The following KDM2B variants were observed in gnomAD, a reference collection of about 807,000 sequenced individuals.
KDM2B encodes the protein lysine demethylase 2B.
KDM2B carries 26 observed loss-of-function variants against 150.0 expected under a neutral mutation model. The ratio of observed to expected loss-of-function variants is 0.17; its 90% CI spans 0.13 to 0.24. The LOEUF (loss-of-function observed/expected upper bound fraction) is 0.24, where lower values mean the gene tolerates loss of function less well. Among genes scored for constraint, KDM2B ranks in the 10% least tolerant of loss-of-function variants. The pLI, the probability that KDM2B is intolerant of heterozygous loss-of-function variation, is 1.00. For synonymous variants in KDM2B, 734 were observed against 729.5 expected (o/e 1.01, Z -0.10); for missense variants, 1,265 against 1,816.9 (o/e 0.70, Z 5.52).
chr12:121,429,967 A>G lies in KDM2B; in HGVS notation c.*321T>C, dbSNP rs1555285036. The stretch of plus-strand genomic sequence containing the variant: ...TGTCCAAAACACCACTACCACTAAC[A>G]GAAACTCCTAAGCTCATGCTTCAGT... On this transcript the variant is annotated 3_prime_UTR_variant, in exon 23 of 23. Coordinates refer to ENST00000377071, the MANE Select transcript of KDM2B (RefSeq NM_032590.5). 4.1e-6 allele frequency: 3 copies of G among 732,024 alleles called. No homozygotes were observed. The highest frequency in any genetic ancestry group is 7.2e-6 in the Non-Finnish European group (3 of 418,276). 45.3% of individuals were successfully genotyped at this position (732,024 alleles called of 1,614,324 possible).
At chr12:121,573,344 A>G (rs545562341) in intron 4 of KDM2B, among the ~76,000 whole-genome samples, 1 of 149,226 alleles carries the variant, frequency 6.7e-6, no homozygotes, top group Non-Finnish European at 1.5e-5. Context: ...GTGCAGTGGC[A>G]TGATCTCAGC....
intron 13 of KDM2B, among the ~76,000 whole-genome samples, chr12:121,448,113 G>A (rs1051328546): frequency 3.3e-5 from 5 of 152,046 alleles, no homozygotes; most frequent in African/African-American, 1.2e-4. Context: ...GAGCCCAGGA[G>A]TTTGAGACTA....
At position 121,453,730 on chromosome 12, in the gene KDM2B, T is replaced by C. The variant is rs929626362; in HGVS notation, c.1735-386A>G. 6.6e-6 allele frequency among the ~76,000 whole-genome samples: 1 copy of C among 152,024 alleles called. No homozygotes were observed. On this transcript the variant is annotated intron_variant, in intron 12 of 22. Coordinates refer to ENST00000377071, the MANE Select transcript of KDM2B (RefSeq NM_032590.5). This position sits in a 1 kb window ranked among gnomAD's most constrained non-coding sequence, Gnocchi z 6.4. ...GGAGGCGCGGGGAAGGACCCTCCCC[T>C]AGAGCCCGCAGAGCCAGCCCGGCCC...
At chr12:121,497,670 A>G (rs1374266603) in intron 11 of KDM2B, among the ~76,000 whole-genome samples, 4 of 152,200 alleles carry the variant, frequency 2.6e-5, no homozygotes, top group African/African-American at 9.7e-5. Flanking sequence ...ATGCCTGAAC[A>G]GATCTCCTCA....
At chr12:121,563,896 C>CA (rs1182231250) in intron 4 of KDM2B, among the ~76,000 whole-genome samples, 20 of 146,568 alleles carry the variant, frequency 1.4e-4, no homozygotes, top group Admixed American at 3.4e-4. Context: ...GACTCTGTCT[C>CA]AAAAAAAAAA....
chr12:121,536,250 C>T (rs182403802), intron 6 of KDM2B: 24 of 198,182 alleles, frequency 1.2e-4, no homozygotes, highest in Admixed American at 2.0e-4. Flanking sequence ...GCGGCGTGCC[C>T]GCGTCCCTCC....
At chr12:121,540,209 G>A (rs1888494211) in intron 6 of KDM2B, among the ~76,000 whole-genome samples, 1 of 152,116 alleles carries the variant, frequency 6.6e-6, no homozygotes, top group African/African-American at 2.4e-5. Context: ...GGCTTTCTTT[G>A]TTCCTCTTTT....
chr12:121,497,469 T>A (rs1884096347), intron 11 of KDM2B, among the ~76,000 whole-genome samples: 1 of 152,038 alleles, frequency 6.6e-6, no homozygotes, highest in African/African-American at 2.4e-5. Flanking sequence ...CACCCCTGGC[T>A]AATTTTTGTT....
At chr12:121,495,092 G>A (rs1555300721) in intron 11 of KDM2B, among the ~76,000 whole-genome samples, 1 of 151,230 alleles carries the variant, frequency 6.6e-6, no homozygotes, top group Non-Finnish European at 1.5e-5. Context: ...TGACCACCTG[G>A]ATCAAGTGAT....
rs544442304 is a variant in KDM2B at position 121,442,644 on chromosome 12, C to CCTT, written c.2794_2796dup (p.Lys932dup). ...AGCCGCCGCTTCCGGCGCATCTTCA[C>CCTT]CTTCTTCTTCTCCTCCGGGCCCTCG... On this transcript the variant is annotated inframe_insertion, in exon 19 of 23. Coordinates refer to ENST00000377071, the MANE Select transcript of KDM2B (RefSeq NM_032590.5). This position sits in a 1 kb window ranked among gnomAD's most constrained non-coding sequence, Gnocchi z 7.7. 4.4e-6 allele frequency: 7 copies of CCTT among 1,605,140 alleles called. No individual in the cohort carries two copies. Among genetic ancestry groups the CCTT allele is most frequent in the Middle Eastern group, 1.6e-4 (1 of 6,082 alleles).
chr12:121,443,818 G>C, intron 16 of KDM2B, 25 bp from the exon 17 acceptor site: 2 of 1,458,378 alleles, frequency 1.4e-6, no homozygotes, highest in Non-Finnish European at 1.9e-6. Flanking sequence ...AGTGGGAAGA[G>C]GAGTGACTCG....
chr12:121,553,033 C>T lies in KDM2B; in HGVS notation c.398-3395G>A, dbSNP rs148828411. On this transcript the variant is annotated intron_variant, in intron 4 of 22. Coordinates refer to ENST00000377071, the MANE Select transcript of KDM2B (RefSeq NM_032590.5). Reference sequence around the variant, plus strand: ...AGATCATGAGGTCAGGAGATTGAGACCATCTTGGCTAACACGGTGAAACCC... The same window carrying T: ...AGATCATGAGGTCAGGAGATTGAGATCATCTTGGCTAACACGGTGAAACCC... Among the ~76,000 whole-genome samples, 643 of 152,060 alleles carry T rather than the reference C, an allele frequency of 4.2e-3. 3 individuals carry two copies. Among genetic ancestry groups the T allele is most frequent in the Non-Finnish European group, 7.6e-3 (516 of 67,966 alleles).
intron 4 of KDM2B, among the ~76,000 whole-genome samples, chr12:121,558,495 C>A (rs1890074464): frequency 6.6e-6 from 1 of 150,766 alleles, no homozygotes; most frequent in African/African-American, 2.4e-5. Flanking sequence ...ACTCTGTTGC[C>A]CAGGCTAGAG....
chr12:121,510,439 G>C (rs1885486933), intron 10 of KDM2B, among the ~76,000 whole-genome samples: 1 of 152,038 alleles, frequency 6.6e-6, no homozygotes, highest in East Asian at 1.9e-4. Context: ...TTTTTTTGTA[G>C]AGATGAGGTC....
chr12:121,573,732 C>T (rs951356378), intron 4 of KDM2B, among the ~76,000 whole-genome samples: 70 of 152,128 alleles, frequency 4.6e-4, no homozygotes, highest in Admixed American at 1.6e-3. Context: ...GGACCACAGG[C>T]GCCCGCCACC....
In KDM2B at chr12:121,441,118, T is replaced by A; in HGVS notation, c.3400A>T (p.Thr1134Ser). 1 of 1,614,178 alleles carries A rather than the reference T, an allele frequency of 6.2e-7. No homozygotes were observed. The highest frequency in any genetic ancestry group is 8.5e-7 in the Non-Finnish European group (1 of 1,180,038). Residue 1134 changes from threonine (T) to serine (S), a missense_variant, in exon 20 of 23, where the codon ACC becomes TCC. Thr to Ser is a moderately conservative substitution (Grantham distance 58). Coordinates refer to ENST00000377071, the MANE Select transcript of KDM2B (RefSeq NM_032590.5). ...RQPVSLDLSW[T>S]NISKKQLSWL... ...CTCAGCTGCTTCTTGGAGATATTGG[T>A]CCAGCTGAGGTCGAGGGAGACGGGC...
chr12:121,444,288 G>A lies in KDM2B; in HGVS notation c.2191-16C>T. 6.2e-7 allele frequency: 1 copy of A among 1,613,404 alleles called. No homozygotes were observed. The highest frequency in any genetic ancestry group is 8.5e-7 in the Non-Finnish European group (1 of 1,179,716). ...CACGCTTTTGCTTGTAGGCCAAAAAGAGAGAATGAACAGACCAACTGTATA... is the reference window on the plus strand; with the variant it reads ...CACGCTTTTGCTTGTAGGCCAAAAAAAGAGAATGAACAGACCAACTGTATA... On this transcript the variant is annotated splice_polypyrimidine_tract_variant and intron_variant, in intron 15 of 22. Coordinates refer to ENST00000377071, the MANE Select transcript of KDM2B (RefSeq NM_032590.5).
chr12:121,568,875 A>G (rs2076944489), intron 4 of KDM2B, among the ~76,000 whole-genome samples: 2 of 151,946 alleles, frequency 1.3e-5, no homozygotes, highest in South Asian at 2.1e-4. Context: ...TTAAAAAAAA[A>G]AAAAAAAAAA....
chr12:121,563,757 A>G (rs561094994), intron 4 of KDM2B, among the ~76,000 whole-genome samples: 67 of 152,018 alleles, frequency 4.4e-4, no homozygotes, highest in Middle Eastern at 6.8e-3. Context: ...CGTCTCTACT[A>G]AAAATACAAA....
Sources: gnomAD v4.1 joint callset for allele counts (sites outside exome capture counted in the v4.1 genomes callset) on GRCh38, gnomAD v4.1.1 for gene constraint, Gnocchi (gnomAD v3.1) non-coding constraint, MANE v1.5 for transcripts, NCBI Gene and HGNC (gene_info 2026-07-23, HGNC 2026-07-21) for gene names.